Variants in PPP1R12B observed in about 807,000 individuals in gnomAD.
The protein encoded by PPP1R12B is protein phosphatase 1 regulatory subunit 12B.
In PPP1R12B, 76 loss-of-function variants were observed where a neutral mutation model predicts 126.1. The ratio of observed to expected loss-of-function variants is 0.60; its 90% CI spans 0.50 to 0.73. The LOEUF (loss-of-function observed/expected upper bound fraction) is 0.73, where lower values mean the gene tolerates loss of function less well. Ranked by LOEUF, PPP1R12B falls within the 30% of genes least tolerant of loss-of-function variation. The pLI, the probability that PPP1R12B is intolerant of heterozygous loss-of-function variation, is 0.00. For synonymous variants in PPP1R12B, 356 were observed against 434.7 expected, an observed-to-expected ratio of 0.82 and a Z score of 2.25; for missense variants, 1,052 against 1,205.1, an observed-to-expected ratio of 0.87 and a Z score of 1.88.
chr1:202,564,680 T>G (rs995385204), intron 21 of PPP1R12B, 133 bp downstream of exon 21: 2 of 601,734 alleles, frequency 3.3e-6, no homozygotes, highest in Non-Finnish European at 5.7e-6. Flanking sequence ...AGATAGAAGC[T>G]TCTTAGATTC....
At chr1:202,500,553 TAG>T (rs1181387655) in intron 18 of PPP1R12B, among the ~76,000 whole-genome samples, 1 of 152,050 alleles carries the variant, frequency 6.6e-6, no homozygotes, top group Non-Finnish European at 1.5e-5. Context: ...CTCATAGAAG[TAG>T]AGAGTAGGAC....
intron 13 of PPP1R12B, among the ~76,000 whole-genome samples, chr1:202,476,578 G>A (rs1676699539): frequency 6.6e-6 from 1 of 151,782 alleles, no homozygotes; most frequent in Non-Finnish European, 1.5e-5. Context: ...AGCAACTCGG[G>A]AGGCTGAGGG....
rs1572476965 is a variant in PPP1R12B at position 202,550,667 on chromosome 1, T to C, written c.2491-8210T>C. On this transcript the variant is annotated intron_variant, in intron 18 of 23. Transcript: ENST00000608999. Reference sequence around the variant, plus strand: ...GCTATGGGGAAAGTAAATATAGATATTAAATGTGAGAAATGTGACCCATGT... The same window carrying C: ...GCTATGGGGAAAGTAAATATAGATACTAAATGTGAGAAATGTGACCCATGT... Among the ~76,000 whole-genome samples the C allele has an allele frequency of 4.6e-5, 7 of 152,302 alleles. No homozygotes were observed. In the South Asian group the frequency reaches 1.2e-3, roughly 27 times the overall value.
intron 23 of PPP1R12B, chr1:202,576,522 T>C (rs1689107305): frequency 6.6e-6 from 1 of 152,158 alleles, no homozygotes; most frequent in Non-Finnish European, 1.5e-5. Flanking sequence ...AGAAAGAAAA[T>C]TGAAAGGCAA....
intron 18 of PPP1R12B, among the ~76,000 whole-genome samples, chr1:202,498,299 G>A (rs10494833): frequency 0.43 from 65,921 of 152,024 alleles, 15,660 homozygotes; most frequent in East Asian, 0.71. Flanking sequence ...ATTGCATAAG[G>A]CATCTACTAG....
rs1195612759 is a variant in PPP1R12B, at chr1:202,348,938, G to T, written c.87G>T (p.Ser29=). The T allele has an allele frequency of 1.2e-6, 2 of 1,603,168 alleles. No homozygotes were observed. Among genetic ancestry groups the T allele is most frequent in the Non-Finnish European group, 1.7e-6 (2 of 1,176,530 alleles). ...RAEQLRRWRG[S]LTEQEPAERR... is the part of the protein sequence containing the mutation. ...AGCAGCTTCGGCGCTGGCGGGGCTC[G>T]CTGACAGAGCAGGAGCCTGCGGAGC... Residue 29 remains serine (S), a synonymous_variant, in exon 1 of 24, where the codon TCG becomes TCT. Coordinates refer to ENST00000608999, the MANE Select transcript of PPP1R12B (RefSeq NM_002481.4).
chr1:202,382,434 A>G (rs1474954877), intron 1 of PPP1R12B, among the ~76,000 whole-genome samples: 1 of 150,468 alleles, frequency 6.6e-6, no homozygotes, highest in East Asian at 1.9e-4. Context: ...AAAAAAATAT[A>G]TATATAAAAG....
At chr1:202,449,321 G>A in intron 13 of PPP1R12B, 150 bp downstream of exon 13, 1 of 1,341,374 alleles carries the variant, frequency 7.5e-7, no homozygotes, top group Non-Finnish European at 9.8e-7. Context: ...TGTCGCCCAG[G>A]CTGGAGTGCA....
intron 21 of PPP1R12B, among the ~76,000 whole-genome samples, chr1:202,566,543 C>T (rs1362070513): frequency 1.3e-5 from 2 of 152,120 alleles, no homozygotes; most frequent in African/African-American, 4.8e-5. Context: ...ACAGAACAAA[C>T]AAAAAACTAG....
chr1:202,387,468 A>C (rs930085371), intron 1 of PPP1R12B, among the ~76,000 whole-genome samples: 4 of 152,182 alleles, frequency 2.6e-5, no homozygotes, highest in African/African-American at 9.7e-5. Flanking sequence ...TTTCAGGTTC[A>C]TTTGAATTAA....
chr1:202,503,902 G>T (rs1237397470), intron 18 of PPP1R12B, among the ~76,000 whole-genome samples: 1 of 151,946 alleles, frequency 6.6e-6, no homozygotes, highest in Admixed American at 6.6e-5. Context: ...TTTTGAGCTA[G>T]AAATTGCTTC....
At chr1:202,390,893 T>C (rs1485330553) in intron 1 of PPP1R12B, among the ~76,000 whole-genome samples, 1 of 152,034 alleles carries the variant, frequency 6.6e-6, no homozygotes, top group Admixed American at 6.5e-5. Flanking sequence ...CAGGACAACA[T>C]CTCTACAAAC....
At chr1:202,506,244 T>C (rs1680793761) in intron 18 of PPP1R12B, among the ~76,000 whole-genome samples, 1 of 152,240 alleles carries the variant, frequency 6.6e-6, no homozygotes, top group Non-Finnish European at 1.5e-5. Flanking sequence ...TGCTCTTGCT[T>C]TGCAACTATA....
chr1:202,562,674 C>T, intron 19 of PPP1R12B, 104 bp from the exon 20 acceptor site: 1 of 1,291,406 alleles, frequency 7.7e-7, no homozygotes, highest in Non-Finnish European at 1.1e-6. Flanking sequence ...GGCCAGGGCT[C>T]CGAAATACTT....
chr1:202,580,501 C>T lies in PPP1R12B; in HGVS notation c.2890C>T (p.Gln964Ter), dbSNP rs1334250130. The T allele has an allele frequency of 6.2e-7, 1 of 1,613,868 alleles. No homozygotes were observed. The highest frequency in any genetic ancestry group is 1.3e-5 in the African/African-American group (1 of 74,910). ...KVLTELKSDN[Q>*]RLKDENGALI... The stretch of plus-strand genomic sequence containing the variant: ...GTTAACAGAACTGAAATCCGACAAC[C>T]AGAGGCTGAAAGATGAAAATGGTGC... Residue 964 changes from glutamine to a stop codon, truncating the protein, a stop_gained, in exon 24 of 24, where the codon CAG becomes TAG. Transcript: ENST00000608999. LOFTEE classifies it high-confidence loss of function.
intron 15 of PPP1R12B, among the ~76,000 whole-genome samples, chr1:202,494,707 A>G (rs1161834908): frequency 6.7e-6 from 1 of 149,780 alleles, no homozygotes; most frequent in African/African-American, 2.4e-5. Context: ...CTCCGTCTCA[A>G]AAAAAAAAAG....
chr1:202,353,328 T>C (rs942869324), intron 1 of PPP1R12B, among the ~76,000 whole-genome samples: 2 of 152,198 alleles, frequency 1.3e-5, no homozygotes, highest in Non-Finnish European at 2.9e-5. Context: ...TTCTGCTTAG[T>C]GTCAGGACCC....
At chr1:202,353,299 T>TA (rs934965791) in intron 1 of PPP1R12B, among the ~76,000 whole-genome samples, 2 of 152,212 alleles carry the variant, frequency 1.3e-5, no homozygotes, top group African/African-American at 4.8e-5. Context: ...ACTTTTGCCT[T>TA]ACCCTGAATA....
intron 18 of PPP1R12B, among the ~76,000 whole-genome samples, chr1:202,509,498 A>G (rs1681191546): frequency 6.6e-6 from 1 of 152,308 alleles, no homozygotes; most frequent in Admixed American, 6.5e-5. Context: ...CTTCCCAAGG[A>G]CCAGTCTTTG....
Sources: allele counts gnomAD v4.1 joint callset (sites outside exome capture counted in the v4.1 genomes callset), GRCh38; gene constraint gnomAD v4.1.1; transcripts MANE v1.5; gene names NCBI Gene and HGNC (gene_info 2026-07-23, HGNC 2026-07-21).